The following CCDC141 variants were observed in gnomAD, a reference collection of about 807,000 sequenced individuals.
The protein encoded by CCDC141 is coiled-coil domain-containing protein 141.
In CCDC141, 168 loss-of-function variants were observed where a neutral mutation model predicts 181.0. That is an observed-to-expected ratio of 0.93 (90% CI 0.82 to 1.05). The LOEUF (loss-of-function observed/expected upper bound fraction) is 1.05, where lower values mean the gene tolerates loss of function less well. CCDC141 is among the 50% of genes least tolerant of loss of function. CCDC141 has a pLI of 0.00. For synonymous variants in CCDC141, 666 were observed against 642.3 expected (o/e 1.04, Z -0.56); for missense variants, 1,902 against 1,788.5 (o/e 1.06, Z -1.14).
chr2:178,878,723 C>T (rs1033978679), intron 11 of CCDC141, among the ~76,000 whole-genome samples: 3 of 152,088 alleles, frequency 2.0e-5, no homozygotes, highest in Admixed American at 6.6e-5. Context: ...ACTGAGCTGA[C>T]AGGTTTAATA....
chr2:178,882,963 TTGCCAGGATTGGAAGGATGGAAGACTC>T (rs1232896460), intron 11 of CCDC141, among the ~76,000 whole-genome samples: 1 of 151,956 alleles, frequency 6.6e-6, no homozygotes, highest in Non-Finnish European at 1.5e-5. Context: ...ACGGGGAGCA[TTGCCAGGATTGGAAGGATGGAAGACTC>T]TGCCAGGTAG....
At chr2:178,986,855 G>A (rs1482038635) in intron 2 of CCDC141, among the ~76,000 whole-genome samples, 5 of 151,098 alleles carry the variant, frequency 3.3e-5, no homozygotes, top group Non-Finnish European at 7.4e-5. Flanking sequence ...ATGCTCATGG[G>A]TAGGAAGAAT....
rs2154365176 is a variant in CCDC141, at chr2:178,831,066, G to A, written c.*3107C>T. ...TTGTAGTCATCTATTTTAAGTATGT[G>A]TCTTGATTATGAGTGATAGAGGTTA... On this transcript the variant is annotated 3_prime_UTR_variant, in exon 24 of 24. Transcript: ENST00000443758. 1 of 152,204 alleles carries A rather than the reference G, an allele frequency of 6.6e-6. No homozygotes were observed. The highest frequency in any genetic ancestry group is 2.4e-5 in the African/African-American group (1 of 41,524). 9.4% of individuals were successfully genotyped at this position (152,204 alleles called of 1,614,324 possible). A position where few individuals can be genotyped will look rare whatever the true frequency, so the allele number is the denominator to read the frequency against.
chr2:178,942,864 C>T (rs1435158822), intron 6 of CCDC141, among the ~76,000 whole-genome samples: 2 of 152,080 alleles, frequency 1.3e-5, no homozygotes, highest in Non-Finnish European at 2.9e-5. Context: ...ATCCCTTATA[C>T]CTGCAACTTA....
chr2:178,920,015 C>A (rs1688615023), intron 6 of CCDC141, among the ~76,000 whole-genome samples: 1 of 152,098 alleles, frequency 6.6e-6, no homozygotes, highest in African/African-American at 2.4e-5. Flanking sequence ...TTGGAGTAAA[C>A]CAAACATATT....
intron 2 of CCDC141, among the ~76,000 whole-genome samples, chr2:179,034,276 A>T (rs2043077143): frequency 6.6e-6 from 1 of 152,184 alleles, no homozygotes; most frequent in Non-Finnish European, 1.5e-5. Flanking sequence ...TCTCACTTGT[A>T]AGTGGGAGCT....
At chr2:178,948,383 T>C (rs1689817238) in intron 5 of CCDC141, among the ~76,000 whole-genome samples, 1 of 152,198 alleles carries the variant, frequency 6.6e-6, no homozygotes, top group Non-Finnish European at 1.5e-5. Context: ...ATTATATTAT[T>C]ATTGGATGGT....
chr2:178,892,341 G>A (rs966776674), intron 8 of CCDC141, among the ~76,000 whole-genome samples: 7 of 152,066 alleles, frequency 4.6e-5, no homozygotes, highest in South Asian at 4.2e-4. Context: ...TCCTTTTCTC[G>A]GGAAGAGAAG....
intron 5 of CCDC141, among the ~76,000 whole-genome samples, chr2:178,948,977 G>A (rs1188449712): frequency 6.6e-6 from 1 of 152,156 alleles, no homozygotes; most frequent in Non-Finnish European, 1.5e-5. Context: ...ACATTCATTG[G>A]CTGAGTAAAG....
At chr2:178,992,394 T>C (rs867301724) in intron 2 of CCDC141, among the ~76,000 whole-genome samples, 15 of 148,090 alleles carry the variant, frequency 1.0e-4, no homozygotes, top group Admixed American at 3.4e-4. Context: ...AAAAAACACA[T>C]GCCATTGCTG....
chr2:179,041,896 G>C (rs1378488325), intron 2 of CCDC141, among the ~76,000 whole-genome samples: 6 of 152,168 alleles, frequency 3.9e-5, no homozygotes, highest in Admixed American at 3.9e-4. Context: ...CAATACAGGA[G>C]TACCCAGATT....
At chr2:178,980,009 T>A (rs538457983) in intron 2 of CCDC141, among the ~76,000 whole-genome samples, 3 of 152,136 alleles carry the variant, frequency 2.0e-5, no homozygotes, top group South Asian at 2.1e-4. Flanking sequence ...ATTTAAAAAA[T>A]AAACAAATTA....
intron 2 of CCDC141, among the ~76,000 whole-genome samples, chr2:179,034,910 T>C (rs2043099712): frequency 6.6e-6 from 1 of 152,206 alleles, no homozygotes; most frequent in African/African-American, 2.4e-5. Flanking sequence ...ATTATAACCA[T>C]TTGATTTCCA....
intron 12 of CCDC141, chr2:178,876,639 T>C (rs1194640872): frequency 1.3e-5 from 2 of 152,176 alleles, no homozygotes; most frequent in South Asian, 2.1e-4. Flanking sequence ...GTTTAATCAA[T>C]AGACTGCTTC....
intron 8 of CCDC141, 35 bp downstream of exon 8, chr2:178,905,294 C>G (rs1687911750): frequency 6.6e-7 from 1 of 1,509,844 alleles, no homozygotes; most frequent in Admixed American, 2.3e-5. Flanking sequence ...TGTGAAAAAG[C>G]TTGTTACACT....
At chr2:178,988,256 G>A (rs1389968985) in intron 2 of CCDC141, among the ~76,000 whole-genome samples, 3 of 148,366 alleles carry the variant, frequency 2.0e-5, no homozygotes, top group Non-Finnish European at 3.0e-5. Context: ...ACTCATAGGT[G>A]GGAATTGAAC....
rs61397643 is a variant in CCDC141, at chr2:179,049,913, G to C, written c.29C>G (p.Ala10Gly). The change falls in exon 1 of 24, where the codon GCG (alanine) becomes GGG (glycine). Residue 10 changes from alanine to glycine, a missense_variant. Coordinates refer to ENST00000443758, the MANE Select transcript of CCDC141 (RefSeq NM_173648.4). Reference protein sequence around the residue: MSSQGSPSVALSTTTVSSVA... With the variant: MSSQGSPSVGLSTTTVSSVA... Reference sequence around the variant, plus strand: ...TGAACTGACTGTCGTCGTAGAAAGCGCAACACTAGGACTTCCTTGGCTGGA... The same window carrying C: ...TGAACTGACTGTCGTCGTAGAAAGCCCAACACTAGGACTTCCTTGGCTGGA... 1.9e-6 allele frequency: 3 copies of C among 1,550,562 alleles called. No homozygotes were observed. Among genetic ancestry groups the C allele is most frequent in the Non-Finnish European group, 2.6e-6 (3 of 1,146,920 alleles).
chr2:178,983,000 C>G (rs1691508398), intron 2 of CCDC141, among the ~76,000 whole-genome samples: 1 of 152,226 alleles, frequency 6.6e-6, no homozygotes, highest in Non-Finnish European at 1.5e-5. Flanking sequence ...GTAGGCTCCA[C>G]CTCTGGGGGC....
downstream of CCDC141, among the ~76,000 whole-genome samples, chr2:178,829,514 G>A (rs186761915): frequency 6.6e-6 from 1 of 152,154 alleles, no homozygotes; most frequent in Non-Finnish European, 1.5e-5. Context: ...CATGGAAAAA[G>A]GCCAAAATCA....
Sources: gnomAD v4.1 joint callset for allele counts (sites outside exome capture counted in the v4.1 genomes callset) on GRCh38, gnomAD v4.1.1 for gene constraint, MANE v1.5 for transcripts, NCBI Gene and HGNC (gene_info 2026-07-23, HGNC 2026-07-21) for gene names.